Variants in WIZ observed in about 807,000 individuals in gnomAD.
The protein encoded by WIZ is WIZ zinc finger, also known as protein Wiz.
A neutral mutation model predicts 140.2 loss-of-function variants in WIZ; 25 were observed. That is an observed-to-expected ratio of 0.18 (90% CI 0.13 to 0.25). The LOEUF is 0.25. Among genes scored for constraint, WIZ ranks in the 10% least tolerant of loss-of-function variants. The pLI is 1.00. For synonymous variants in WIZ, 1,125 were observed against 1,154.3 expected (o/e 0.97, Z 0.51); for missense variants, 2,231 against 2,632.6 (o/e 0.85, Z 3.34).
At chr19:15,432,754 C>G (rs916574716) in intron 5 of WIZ, among the ~76,000 whole-genome samples, 142 of 151,468 alleles carry the variant, frequency 9.4e-4, no homozygotes, top group Non-Finnish European at 1.8e-3. Flanking sequence ...AGCAGCTGAG[C>G]GCCGAGTGCC....
intron 2 of WIZ, among the ~76,000 whole-genome samples, chr19:15,443,595 G>A (rs1338317711): frequency 6.6e-6 from 1 of 152,140 alleles, no homozygotes; most frequent in Non-Finnish European, 1.5e-5. Flanking sequence ...TAACTCAAAT[G>A]AGCCCCTATG....
rs990912571 is a variant in WIZ at position 15,421,800 on chromosome 19, C to G, written c.*1276G>C. 1.3e-5 allele frequency: 2 copies of G among 152,300 alleles called. No homozygotes were observed. The highest frequency in any genetic ancestry group is 2.9e-5 in the Non-Finnish European group (2 of 68,076). 9.4% of individuals were successfully genotyped at this position (152,300 alleles called of 1,614,324 possible). On this transcript the variant is annotated 3_prime_UTR_variant, in exon 13 of 13. Coordinates refer to ENST00000673675, the MANE Select transcript of WIZ (RefSeq NM_001371589.1). ...TGATAAGCTCCTCTAGCCTCAACTGCTTCTTGATCCTGGCTCCCTTCCCAG... is the reference window on the plus strand; with the variant it reads ...TGATAAGCTCCTCTAGCCTCAACTGGTTCTTGATCCTGGCTCCCTTCCCAG...
chr19:15,444,897 C>A (rs1375226190), intron 2 of WIZ, among the ~76,000 whole-genome samples: 1 of 152,192 alleles, frequency 6.6e-6, no homozygotes, highest in Non-Finnish European at 1.5e-5. Flanking sequence ...GATGATTCTG[C>A]GATTGCTGTT....
intron 5 of WIZ, 120 bp from the exon 6 acceptor site, chr19:15,431,302 C>T: frequency 3.9e-6 from 5 of 1,267,496 alleles, no homozygotes; most frequent in Non-Finnish European, 5.3e-6. Flanking sequence ...AGCGACTCAC[C>T]CCAGGAAAGC....
In WIZ at chr19:15,421,864, G is replaced by A. The variant is rs528380175; in HGVS notation, c.*1212C>T. On this transcript the variant is annotated 3_prime_UTR_variant, in exon 13 of 13. Coordinates refer to ENST00000673675, the MANE Select transcript of WIZ (RefSeq NM_001371589.1). ...AACCCTGGTTCATCTGCTCACTGGA[G>A]CCGCTTTGCCAGCCAGCCAGAGACC... 2.0e-5 allele frequency: 3 copies of A among 152,358 alleles called. No homozygotes were observed. In the East Asian group the frequency reaches 5.8e-4, roughly 29 times the overall value. 9.4% of individuals were successfully genotyped at this position (152,358 alleles called of 1,614,324 possible).
At chr19:15,447,303 G>A (rs949687387) in intron 2 of WIZ, among the ~76,000 whole-genome samples, 1 of 152,078 alleles carries the variant, frequency 6.6e-6, no homozygotes, top group African/African-American at 2.4e-5. Context: ...CAGAATGCCC[G>A]TCCCACCATT....
chr19:15,425,081 T>A (rs1386885973), intron 10 of WIZ, 49 bp from the exon 11 acceptor site: 2 of 1,511,118 alleles, frequency 1.3e-6, no homozygotes, highest in Non-Finnish European at 1.8e-6. Context: ...AGGGGGCAGG[T>A]GCACCCAGAT....
intron 1 of WIZ, chr19:15,449,578 A>T (rs1160828646): frequency 6.6e-6 from 1 of 150,982 alleles, no homozygotes; most frequent in Non-Finnish European, 1.5e-5. Context: ...GGGGCAGGAG[A>T]CCCCGCGGGA....
At chr19:15,449,338 C>T (rs1359371287) in intron 1 of WIZ, 1 of 152,258 alleles carries the variant, frequency 6.6e-6, no homozygotes. Flanking sequence ...GGCTGGCAGT[C>T]TTGGTGGGGG....
chr19:15,432,452 C>T (rs1969314365), intron 5 of WIZ: 2 of 980,600 alleles, frequency 2.0e-6, no homozygotes, highest in African/African-American at 1.8e-5. Flanking sequence ...GGAGCGGACG[C>T]GGGCCCGGGC....
At chr19:15,436,749 A>T in intron 5 of WIZ, 57 bp downstream of exon 5, 1 of 1,471,892 alleles carries the variant, frequency 6.8e-7, no homozygotes, top group South Asian at 1.4e-5. Context: ...CGCCCCTCCA[A>T]TGCTCTGGGC....
rs1314418073 is a variant in WIZ, at chr19:15,440,967, G to T, written c.279-252C>A. 3.9e-5 allele frequency among the ~76,000 whole-genome samples: 6 copies of T among 152,136 alleles called. No homozygotes were observed. The highest frequency in any genetic ancestry group is 1.4e-4 in the African/African-American group (6 of 41,402). On this transcript the variant is annotated intron_variant, in intron 3 of 12. Transcript: ENST00000673675. This position sits in a 1 kb window ranked among gnomAD's most constrained non-coding sequence, Gnocchi z 6.2. ...AGCCTAGCCCCGCTGCATTGTGGGGGAATGTACGGAGACCACCCCTGGGCC... is the reference window on the plus strand; with the variant it reads ...AGCCTAGCCCCGCTGCATTGTGGGGTAATGTACGGAGACCACCCCTGGGCC...
At position 15,422,125 on chromosome 19, in the gene WIZ, C is replaced by T. The variant is rs1968407712; in HGVS notation, c.*951G>A. ...CAGAAGAGAAATTTAATCTAATTTA[C>T]ATACTTCTAGGTACATCGATAACCA... is the stretch of plus-strand genomic sequence containing the variant. On this transcript the variant is annotated 3_prime_UTR_variant, in exon 13 of 13. Coordinates refer to ENST00000673675, the MANE Select transcript of WIZ (RefSeq NM_001371589.1). 1 of 152,246 alleles carries T rather than the reference C, an allele frequency of 6.6e-6. No homozygotes were observed. The allele number at this position is 152,246 out of a possible 1,614,324, so 9.4% of individuals were successfully genotyped here.
At chr19:15,430,953 C>A in intron 6 of WIZ, 59 bp downstream of exon 6, 2 of 1,464,578 alleles carry the variant, frequency 1.4e-6, no homozygotes, top group Admixed American at 2.3e-5. Flanking sequence ...CACGAGAGTG[C>A]TCCTGTGAGT....
At chr19:15,429,481 A>ACCCC in intron 7 of WIZ, 105 bp downstream of exon 7, 18 of 774,582 alleles carry the variant, frequency 2.3e-5, no homozygotes, top group Admixed American at 7.9e-5. Flanking sequence ...TGTAGTCCCC[A>ACCCC]CCGCCCCCAC....
chr19:15,428,011 G>T lies in WIZ; in HGVS notation c.3814+99C>A. ...AACCGGCCCACTGCCAAGGGCCCCTGTCTACTCCCTGCCCCAGCAGGGAGG... is the reference window on the plus strand; with the variant it reads ...AACCGGCCCACTGCCAAGGGCCCCTTTCTACTCCCTGCCCCAGCAGGGAGG... On this transcript the variant is annotated intron_variant, in intron 8 of 12. Transcript: ENST00000673675. This position sits in a 1 kb window ranked among gnomAD's most constrained non-coding sequence, Gnocchi z 6.4. The T allele has an allele frequency of 6.8e-7, 1 of 1,470,092 alleles. No homozygotes were observed. Among genetic ancestry groups the T allele is most frequent in the Non-Finnish European group, 9.0e-7 (1 of 1,114,354 alleles). The allele number at this position is 1,470,092 out of a possible 1,614,324, so 91.1% of individuals were successfully genotyped here.
chr19:15,427,462 G>A lies in WIZ; in HGVS notation c.3886C>T (p.Leu1296Phe), dbSNP rs764090882. The change falls in exon 9 of 13, where the codon CTC becomes TTC. Residue 1296 changes from leucine to phenylalanine, a missense_variant. This residue lies in a region of WIZ where 10 missense variants were observed against 36.3 expected (regional missense o/e 0.28). Transcript: ENST00000673675. The surrounding 1 kb of genome is among the most constrained non-coding windows in gnomAD (Gnocchi z 6.4). ...CGEFFENRKGLSSHARSHLRQ... is the reference protein window; with the variant it reads ...CGEFFENRKGFSSHARSHLRQ... ...AGATGGGAGCGCGCGTGGCTCGAGA[G>A]GCCCTTGCGGTTCTCGAAGAACTCA... 6.2e-7 allele frequency: 1 copy of A among 1,613,476 alleles called. No individual in the cohort carries two copies. The highest frequency in any genetic ancestry group is 1.1e-5 in the South Asian group (1 of 91,084).
At position 15,430,995 on chromosome 19, in the gene WIZ, C is replaced by A. The variant is rs1403195809; in HGVS notation, c.2911+17G>T. The A allele has an allele frequency of 6.0e-6, 9 of 1,505,232 alleles. No homozygotes were observed. In the South Asian group the frequency reaches 1.1e-4, roughly 19 times the overall value. The allele number at this position is 1,505,232 out of a possible 1,614,324, so 93.2% of individuals were successfully genotyped here. A position where few individuals can be genotyped will look rare whatever the true frequency, so the allele number is the denominator to read the frequency against. ...AGCCTGGCCAGCATCCCCTGCCATG[C>A]CACCTGGGCCACTCACCCTTGAGGT... On this transcript the variant is annotated intron_variant, in intron 6 of 12. Transcript: ENST00000673675.
At chr19:15,433,570 A>T (rs115234885) in intron 5 of WIZ, among the ~76,000 whole-genome samples, 2,221 of 152,272 alleles carry the variant, frequency 0.015, 53 homozygotes, top group African/African-American at 0.051. Context: ...CCTCCCAAGG[A>T]CAAGGCCAGG....
Sources: gnomAD v4.1 joint callset for allele counts (sites outside exome capture counted in the v4.1 genomes callset) on GRCh38, gnomAD v4.1.1 for gene constraint, gnomAD v4.1.1 regional missense constraint, Gnocchi (gnomAD v3.1) non-coding constraint, MANE v1.5 for transcripts, NCBI Gene and HGNC (gene_info 2026-07-23, HGNC 2026-07-21) for gene names.